Variants in HTR7 observed in about 807,000 individuals in gnomAD.
HTR7 encodes the protein 5-HT-7.
In HTR7, 16 loss-of-function variants were observed where a neutral mutation model predicts 34.0. The observed-to-expected ratio is 0.47, with a 90% CI of 0.32 to 0.71. The LOEUF is 0.71. Among genes scored for constraint, HTR7 ranks in the 30% least tolerant of loss-of-function variants. The pLI, the probability that HTR7 is intolerant of heterozygous loss-of-function variation, is 0.04. For synonymous variants in HTR7, 265 were observed against 260.2 expected (o/e 1.02, Z -0.18); for missense variants, 504 against 625.5 (o/e 0.81, Z 2.07).
intron 1 of HTR7, among the ~76,000 whole-genome samples, chr10:90,834,646 A>C (rs1001796978): frequency 6.6e-6 from 1 of 152,156 alleles, no homozygotes; most frequent in Non-Finnish European, 1.5e-5. Flanking sequence ...CTGGCAGCCA[A>C]GGAAATAGAA....
chr10:90,790,378 C>G (rs114628927), intron 1 of HTR7, among the ~76,000 whole-genome samples: 2,468 of 152,262 alleles, frequency 0.016, 83 homozygotes, highest in African/African-American at 0.055. Flanking sequence ...CACCGATTAA[C>G]AAGACTGCAG....
intron 1 of HTR7, among the ~76,000 whole-genome samples, chr10:90,772,180 T>G (rs1038684276): frequency 6.6e-6 from 1 of 152,076 alleles, no homozygotes; most frequent in Non-Finnish European, 1.5e-5. Flanking sequence ...TACTCTTACT[T>G]AATACTTTCA....
At chr10:90,753,150 A>G (rs555389723) in intron 1 of HTR7, among the ~76,000 whole-genome samples, 3 of 152,330 alleles carry the variant, frequency 2.0e-5, no homozygotes, top group African/African-American at 4.8e-5. Context: ...CAGCCATCCC[A>G]TAGTAAGAAC....
intron 1 of HTR7, among the ~76,000 whole-genome samples, chr10:90,784,780 C>T (rs1355148163): frequency 6.6e-6 from 1 of 152,158 alleles, no homozygotes; most frequent in Non-Finnish European, 1.5e-5. Context: ...ATGATTCTCA[C>T]CTTGATCCAG....
intron 1 of HTR7, among the ~76,000 whole-genome samples, chr10:90,815,980 A>G (rs1469352602): frequency 5.3e-5 from 8 of 152,190 alleles, no homozygotes; most frequent in Admixed American, 2.0e-4. Flanking sequence ...AGCTATCCCT[A>G]TGCTAACAGG....
chr10:90,808,080 T>C (rs1457182384), intron 1 of HTR7, among the ~76,000 whole-genome samples: 2 of 152,186 alleles, frequency 1.3e-5, no homozygotes, highest in Non-Finnish European at 2.9e-5. Flanking sequence ...AGCCTTCCCT[T>C]GGTGTTTAAT....
Position 90,857,593 on chromosome 10 carries a change from C to T in HTR7, c.79G>A (p.Gly27Arg). The T allele has an allele frequency of 6.3e-7, 1 of 1,595,822 alleles. No homozygotes were observed. Among genetic ancestry groups the T allele is most frequent in the East Asian group, 2.3e-5 (1 of 44,056 alleles). ...CCGTCGGGGCTCAAGTCGGGCAGCC[C>T]GCGCCCCACTTCTGGCAGAAGGAAA... ...RSFLLPEVGR[G>R]LPDLSPDGGA... The change falls in exon 1 of 4, where the codon GGG (glycine) becomes AGG (arginine). Residue 27 changes from glycine to arginine, a missense_variant. Around this residue, in one of 4 missense-constraint regions of HTR7, gnomAD observed 139 missense variants for 117.1 expected, o/e 1.19. Coordinates refer to ENST00000336152, the MANE Select transcript of HTR7 (RefSeq NM_019859.4). This position sits in a 1 kb window ranked among gnomAD's most constrained non-coding sequence, Gnocchi z 6.5.
intron 2 of HTR7, among the ~76,000 whole-genome samples, chr10:90,748,439 G>T (rs1483578653): frequency 1.3e-5 from 2 of 152,154 alleles, no homozygotes; most frequent in African/African-American, 2.4e-5. Context: ...CTCAAAAGAA[G>T]AATTTATCTG....
intron 1 of HTR7, among the ~76,000 whole-genome samples, chr10:90,823,822 T>C (rs2120021202): frequency 6.6e-6 from 1 of 152,288 alleles, no homozygotes; most frequent in South Asian, 2.1e-4. Context: ...TGAGATCCAG[T>C]TGTTTGAAAG....
intron 1 of HTR7, among the ~76,000 whole-genome samples, chr10:90,847,936 T>C (rs1419214248): frequency 6.6e-6 from 1 of 152,200 alleles, no homozygotes; most frequent in Non-Finnish European, 1.5e-5. Flanking sequence ...ATGGACACTT[T>C]AACAATAATT....
At chr10:90,805,203 G>A (rs1477785529) in intron 1 of HTR7, among the ~76,000 whole-genome samples, 1 of 152,138 alleles carries the variant, frequency 6.6e-6, no homozygotes, top group Non-Finnish European at 1.5e-5. Flanking sequence ...ATTACTATAG[G>A]GGGCTACTCA....
intron 1 of HTR7, among the ~76,000 whole-genome samples, chr10:90,813,440 T>G (rs550487300): frequency 1.0e-3 from 158 of 151,740 alleles, no homozygotes; most frequent in African/African-American, 3.7e-3. Flanking sequence ...CAGGGTCGCT[T>G]GAACGCGGGT....
intron 1 of HTR7, among the ~76,000 whole-genome samples, chr10:90,809,708 G>C (rs754315678): frequency 2.0e-5 from 3 of 152,230 alleles, no homozygotes; most frequent in Non-Finnish European, 2.9e-5. Context: ...ACAAGTGCCA[G>C]AAATCTGGCC....
chr10:90,840,177 TCACACACACACACACA>T (rs35170324), intron 1 of HTR7, among the ~76,000 whole-genome samples: 2 of 136,884 alleles, frequency 1.5e-5, no homozygotes, highest in Admixed American at 7.5e-5. Flanking sequence ...TCTCTCTCTC[TCACACACACACACACA>T]CACACACACA....
At chr10:90,812,322 G>A (rs1225268383) in intron 1 of HTR7, among the ~76,000 whole-genome samples, 2 of 152,002 alleles carry the variant, frequency 1.3e-5, no homozygotes, top group African/African-American at 2.4e-5. Flanking sequence ...TGTTTACACT[G>A]CCGGTTTACA....
At chr10:90,801,185 G>A (rs1437504413) in intron 1 of HTR7, among the ~76,000 whole-genome samples, 1 of 152,180 alleles carries the variant, frequency 6.6e-6, no homozygotes, top group Non-Finnish European at 1.5e-5. Flanking sequence ...GAGCTGGTTT[G>A]GGGTTTTATT....
intron 1 of HTR7, among the ~76,000 whole-genome samples, chr10:90,798,692 A>T (rs1845578319): frequency 6.6e-6 from 1 of 152,202 alleles, no homozygotes; most frequent in Non-Finnish European, 1.5e-5. Flanking sequence ...AGCCTGGGTG[A>T]CAGAGTAAGA....
chr10:90,749,247 T>C lies in HTR7; in HGVS notation c.887A>G (p.Gln296Arg). The part of the protein sequence containing the change: ...VIALNGIVKL[Q>R]KEVEECANLS... ...GTTTGCACACTCTTCCACCTCCTTC[T>C]GGAGCTTCACTATGCCATTCAGGGC... Residue 296 changes from glutamine (Q) to arginine (R), a missense_variant, in exon 2 of 4, where the codon CAG becomes CGG. Gln to Arg is a conservative substitution (Grantham distance 43). Transcript: ENST00000336152. This position sits in a 1 kb window ranked among gnomAD's most constrained non-coding sequence, Gnocchi z 4.2. The C allele has an allele frequency of 6.2e-6, 10 of 1,614,118 alleles. No homozygotes were observed. The highest frequency in any genetic ancestry group is 7.6e-6 in the Non-Finnish European group (9 of 1,179,996).
At position 90,811,526 on chromosome 10, in the gene HTR7, C is replaced by CAG. The variant is rs951641936; in HGVS notation, c.539+45605_539+45606dup. On this transcript the variant is annotated intron_variant, in intron 1 of 3. Coordinates refer to ENST00000336152, the MANE Select transcript of HTR7 (RefSeq NM_019859.4). ...TCCACCAGGCGTAATCGCCACACACCAGCAAAGGCAGGCTATGCTATAGTA... is the reference window on the plus strand; with the variant it reads ...TCCACCAGGCGTAATCGCCACACACCAGAGCAAAGGCAGGCTATGCTATAGTA... Among the ~76,000 whole-genome samples, 44 of 152,184 alleles carry CAG rather than the reference C, an allele frequency of 2.9e-4. 1 individual carries two copies. The highest frequency in any genetic ancestry group is 1.9e-3 in the Admixed American group (29 of 15,280).
Sources: allele counts gnomAD v4.1 joint callset (sites outside exome capture counted in the v4.1 genomes callset), GRCh38; gene constraint gnomAD v4.1.1; regional missense constraint gnomAD v4.1.1; non-coding constraint Gnocchi (gnomAD v3.1); transcripts MANE v1.5; gene names NCBI Gene and HGNC (gene_info 2026-07-23, HGNC 2026-07-21).